PRELID2: variants seen among roughly 807,000 people sequenced by gnomAD.
The protein encoded by PRELID2 is PRELI domain-containing protein 2.
A neutral mutation model predicts 28.4 loss-of-function variants in PRELID2; 25 were observed. The ratio of observed to expected loss-of-function variants is 0.88; its 90% confidence interval spans 0.64 to 1.23. The LOEUF (loss-of-function observed/expected upper bound fraction) is 1.23, where lower values mean the gene tolerates loss of function less well. Ranked by LOEUF, PRELID2 falls within the 50% of genes most tolerant of loss-of-function variation. The probability of loss-of-function intolerance (pLI) is 0.00; values close to 1 mark genes in which losing one functional copy is unlikely to be tolerated. For missense variants in PRELID2, 201 were observed against 214.4 expected, an observed-to-expected ratio of 0.94 and a Z score of 0.39; for synonymous variants, 76 against 71.6, an observed-to-expected ratio of 1.06 and a Z score of -0.31.
intron 2 of PRELID2, 114 bp from the exon 3 acceptor site, chr5:145,820,132 TTTTGA>T (rs746399553): frequency 1.7e-6 from 1 of 584,802 alleles, no homozygotes; most frequent in Non-Finnish European, 3.0e-6. Flanking sequence ...TGTTTTTTTT[TTTTGA>T]GACACCCAGG....
chr5:145,665,033 G>A (rs1407924503), intron 1 of PRELID2, among the ~76,000 whole-genome samples: 1 of 152,004 alleles, frequency 6.6e-6, no homozygotes, highest in Non-Finnish European at 1.5e-5. Context: ...GCTGGATTAG[G>A]GCTCTTGCTT....
At chr5:145,680,663 T>A (rs543064651) in intron 1 of PRELID2, among the ~76,000 whole-genome samples, 2 of 152,192 alleles carry the variant, frequency 1.3e-5, no homozygotes, top group African/African-American at 4.8e-5. Context: ...GCCAAGAGGG[T>A]AATTAATTGC....
At chr5:145,309,104 A>G in the PRELID2 span, among the ~76,000 whole-genome samples, 2 of 151,712 alleles carry the variant, frequency 1.3e-5, no homozygotes, top group Non-Finnish European at 2.9e-5. Context: ...TCAAGTCATA[A>G]TAGAGCTTAA....
intron 1 of PRELID2, among the ~76,000 whole-genome samples, chr5:145,611,612 A>G (rs1267007462): frequency 6.6e-6 from 1 of 152,240 alleles, no homozygotes; most frequent in African/African-American, 2.4e-5. Context: ...AAACAGAAAC[A>G]TTGTATTATT....
intron 1 of PRELID2, among the ~76,000 whole-genome samples, chr5:145,662,886 T>C (rs1208132435): frequency 6.6e-6 from 1 of 152,120 alleles, no homozygotes; most frequent in African/African-American, 2.4e-5. Context: ...GTTTCAGGTA[T>C]TCTGTGATAA....
At chr5:145,342,484 G>A in the PRELID2 span, among the ~76,000 whole-genome samples, 5 of 152,034 alleles carry the variant, frequency 3.3e-5, no homozygotes. Flanking sequence ...AGTCTCATAT[G>A]TCAATAATAA....
At chr5:145,512,554 G>A (rs1752470662) in intron 1 of PRELID2, among the ~76,000 whole-genome samples, 1 of 152,180 alleles carries the variant, frequency 6.6e-6, no homozygotes, top group Non-Finnish European at 1.5e-5. Flanking sequence ...GGGAGGAGGT[G>A]CAGCTTCAGC....
the PRELID2 span, among the ~76,000 whole-genome samples, chr5:145,257,417 A>T: frequency 2.7e-5 from 4 of 149,296 alleles, no homozygotes; most frequent in African/African-American, 1.0e-4. Context: ...AAAAATGAAT[A>T]TTTTAAAATA....
At chr5:145,438,768 G>T in the PRELID2 span, among the ~76,000 whole-genome samples, 1 of 152,198 alleles carries the variant, frequency 6.6e-6, no homozygotes, top group Admixed American at 6.5e-5. Flanking sequence ...AAAACCTGTT[G>T]AACTGCAGCT....
intron 1 of PRELID2, among the ~76,000 whole-genome samples, chr5:145,548,375 T>G (rs889668553): frequency 7.9e-5 from 12 of 152,204 alleles, no homozygotes; most frequent in Middle Eastern, 3.2e-3. Flanking sequence ...TTTAAGAGAA[T>G]TCCCCAACAG....
the PRELID2 span, among the ~76,000 whole-genome samples, chr5:145,240,442 A>C: frequency 6.6e-6 from 1 of 151,982 alleles, no homozygotes. Context: ...AATATTTTGT[A>C]ATTTACATAT....
intron 5 of PRELID2, among the ~76,000 whole-genome samples, chr5:145,775,223 G>A (rs1758338482): frequency 6.6e-6 from 1 of 151,708 alleles, no homozygotes. Flanking sequence ...CTGAGGAACA[G>A]AATGAGACTC....
intron 6 of PRELID2, among the ~76,000 whole-genome samples, chr5:145,764,332 G>A (rs544484984): frequency 1.3e-5 from 2 of 152,212 alleles, no homozygotes; most frequent in East Asian, 3.9e-4. Context: ...ACTAGATGTG[G>A]CACGTGCTTC....
intron 4 of PRELID2, among the ~76,000 whole-genome samples, chr5:145,800,029 T>C (rs904661659): frequency 6.6e-6 from 1 of 152,132 alleles, no homozygotes; most frequent in Admixed American, 6.6e-5. Context: ...CTTACATCTC[T>C]GTGGAAAGGA....
At chr5:145,748,669 C>G (rs997775633) in intron 1 of PRELID2, among the ~76,000 whole-genome samples, 2 of 152,192 alleles carry the variant, frequency 1.3e-5, no homozygotes, top group African/African-American at 4.8e-5. Context: ...ATGGCCAACA[C>G]AATCCTAAGC....
chr5:145,294,477 AG>A, the PRELID2 span, among the ~76,000 whole-genome samples: 1 of 152,176 alleles, frequency 6.6e-6, no homozygotes, highest in African/African-American at 2.4e-5. Flanking sequence ...CACTGTACAC[AG>A]CTGTAGAAAC....
At chr5:145,445,969 G>A in the PRELID2 span, among the ~76,000 whole-genome samples, 1 of 152,058 alleles carries the variant, frequency 6.6e-6, no homozygotes, top group Non-Finnish European at 1.5e-5. Flanking sequence ...GATACTAGAA[G>A]CTGAGAAGGG....
rs552768290 is a variant in PRELID2, at chr5:145,640,670, A to G, written n.70+124261T>C. ...AAAAAAAAAAAAAAATAGAAGAAAA[A>G]AAAGAAAAGAAAATTCACTTGGAAA... On this transcript the variant is annotated intron_variant and non_coding_transcript_variant, in intron 1 of 2. Transcript: ENST00000510259. Among the ~76,000 whole-genome samples the G allele has an allele frequency of 7.4e-4, 113 of 152,008 alleles. 2 individuals are homozygous for G. The highest frequency in any genetic ancestry group is 2.7e-3 in the African/African-American group (112 of 41,530).
At chr5:145,281,432 TGTTTCTGTGCACAACCAATTTA>T in the PRELID2 span, among the ~76,000 whole-genome samples, 2 of 152,180 alleles carry the variant, frequency 1.3e-5, no homozygotes, top group Non-Finnish European at 2.9e-5. Context: ...TTATTATATC[TGTTTCTGTGCACAACCAATTTA>T]AGCAGTGCAT....
Sources: gnomAD v4.1 joint callset for allele counts (sites outside exome capture counted in the v4.1 genomes callset) on GRCh38, gnomAD v4.1.1 for gene constraint, MANE v1.5 for transcripts, NCBI Gene and HGNC (gene_info 2026-07-23, HGNC 2026-07-21) for gene names.